ANKS6: variants seen among roughly 807,000 people sequenced by gnomAD.
ANKS6 encodes the protein ankyrin repeat and sterile alpha motif domain containing 6, also known as ankyrin repeat and SAM domain-containing protein 6.
ANKS6 carries 47 observed loss-of-function variants against 77.9 expected under a neutral mutation model. The ratio of observed to expected loss-of-function variants is 0.60; its 90% CI spans 0.48 to 0.77. ANKS6 has a LOEUF of 0.77. ANKS6 is among the 30% of genes least tolerant of loss of function. ANKS6 has a pLI of 0.00. For missense variants in ANKS6, 1,150 were observed against 1,159.1 expected (o/e 0.99, Z 0.11); for synonymous variants, 488 against 501.7 (o/e 0.97, Z 0.37).
At chr9:98,788,759 G>C (rs142805279) in intron 2 of ANKS6, among the ~76,000 whole-genome samples, 56 of 152,280 alleles carry the variant, frequency 3.7e-4, no homozygotes, top group African/African-American at 1.3e-3. Context: ...GCAGGTGGGA[G>C]AATCACCTCT....
At chr9:98,795,100 C>G (rs977666755) in intron 1 of ANKS6, among the ~76,000 whole-genome samples, 1 of 152,110 alleles carries the variant, frequency 6.6e-6, no homozygotes, top group African/African-American at 2.4e-5. Flanking sequence ...TCCTTGCTGT[C>G]TCTCTTAACC....
At chr9:98,795,598 G>A (rs1184245558) in intron 1 of ANKS6, among the ~76,000 whole-genome samples, 2 of 152,174 alleles carry the variant, frequency 1.3e-5, no homozygotes, top group East Asian at 3.9e-4. Context: ...CACTTGTAAT[G>A]TCCTGGCTAA....
intron 5 of ANKS6, among the ~76,000 whole-genome samples, chr9:98,780,552 G>T (rs144381155): frequency 6.6e-6 from 1 of 152,218 alleles, no homozygotes; most frequent in African/African-American, 2.4e-5. Context: ...AGAAAAACCG[G>T]AAGTCCTCTC....
intron 11 of ANKS6, among the ~76,000 whole-genome samples, chr9:98,767,724 G>A (rs770017058): frequency 7.9e-5 from 12 of 152,248 alleles, no homozygotes; most frequent in Non-Finnish European, 1.6e-4. Flanking sequence ...GTGGGGCTGA[G>A]AGCTGAACCC....
intron 1 of ANKS6, among the ~76,000 whole-genome samples, chr9:98,794,863 T>C (rs1350508496): frequency 2.6e-5 from 4 of 152,154 alleles, no homozygotes; most frequent in African/African-American, 9.7e-5. Context: ...CTCCCCTCAC[T>C]GCCCTGGGCC....
At chr9:98,766,112 TC>T (rs1162673275) in intron 11 of ANKS6, among the ~76,000 whole-genome samples, 2 of 152,190 alleles carry the variant, frequency 1.3e-5, no homozygotes, top group Admixed American at 1.3e-4. Flanking sequence ...TTTAGATAGC[TC>T]CTCAAGATCA....
chr9:98,750,309 A>T (rs901718222), intron 13 of ANKS6, among the ~76,000 whole-genome samples: 1 of 152,250 alleles, frequency 6.6e-6, no homozygotes, highest in African/African-American at 2.4e-5. Context: ...TCTTCCACTT[A>T]GCAAGATGTG....
At position 98,734,490 on chromosome 9, in the gene ANKS6, C is replaced by G. The variant is rs1463003593; in HGVS notation, c.*2029G>C. On this transcript the variant is annotated 3_prime_UTR_variant, in exon 15 of 15. Coordinates refer to ENST00000353234, the MANE Select transcript of ANKS6 (RefSeq NM_173551.5). Reference sequence around the variant, plus strand: ...AGGGGCCATGAATTTCAGAGGCAAACAATTCTAGGCCTACTGTTAACCCCT... The same window carrying G: ...AGGGGCCATGAATTTCAGAGGCAAAGAATTCTAGGCCTACTGTTAACCCCT... The G allele has an allele frequency of 1.0e-6, 1 of 985,296 alleles. No homozygotes were observed. The highest frequency in any genetic ancestry group is 1.7e-5 in the African/African-American group (1 of 57,228). The allele number at this position is 985,296 out of a possible 1,614,324, so 61.0% of individuals were successfully genotyped here.
rs34295529 is a variant in ANKS6, at chr9:98,753,620, CA to C, written c.2327-2525del. Among the ~76,000 whole-genome samples the C allele has an allele frequency of 2.1e-3, 308 of 144,556 alleles. 5 individuals are homozygous for C. The highest frequency in any genetic ancestry group is 0.014 in the Admixed American group (210 of 14,582). The allele number at this position is 144,556 out of a possible 152,430, so 94.8% of individuals were successfully genotyped here. A position where few individuals can be genotyped will look rare whatever the true frequency, so the allele number is the denominator to read the frequency against. On this transcript the variant is annotated intron_variant, in intron 12 of 14. Coordinates refer to ENST00000353234, the MANE Select transcript of ANKS6 (RefSeq NM_173551.5). The stretch of plus-strand genomic sequence containing the variant: ...TGGGTGACAGAGTAAGACCCTATCT[CA>C]AAAAAAAAAAAAGCAAGCCCTGATT...
chr9:98,771,720 C>A (rs1833643631), intron 9 of ANKS6, among the ~76,000 whole-genome samples: 1 of 152,088 alleles, frequency 6.6e-6, no homozygotes, highest in South Asian at 2.1e-4. Context: ...TTACCCCACT[C>A]CTCCCACAGC....
rs1835177816 is a variant in ANKS6 at position 98,796,374 on chromosome 9, C to A, written c.118G>T (p.Gly40Cys). ...EPGAAEPAERGAEPEAGAEPA... is the reference protein window; with the variant it reads ...EPGAAEPAERCAEPEAGAEPA... ...TCCGCGCCCGCCTCCGGCTCCGCGC[C>A]GCGCTCGGCTGGCTCCGCCGCCCCC... Residue 40 changes from glycine to cysteine, a missense_variant, in exon 1 of 15, where the codon GGC becomes TGC. Transcript: ENST00000353234. 2.9e-6 allele frequency: 3 copies of A among 1,036,614 alleles called. No homozygotes were observed. The East Asian group carries it at 2.4e-4, about 83-fold the overall frequency. 64.2% of individuals were successfully genotyped at this position (1,036,614 alleles called of 1,614,324 possible). A position where few individuals can be genotyped will look rare whatever the true frequency, so the allele number is the denominator to read the frequency against.
At chr9:98,762,781 T>C (rs1002450674) in intron 11 of ANKS6, among the ~76,000 whole-genome samples, 5 of 152,134 alleles carry the variant, frequency 3.3e-5, no homozygotes, top group Non-Finnish European at 7.4e-5. Flanking sequence ...TTAGATTTGC[T>C]CATATTTTGT....
chr9:98,756,444 T>C lies in ANKS6; in HGVS notation c.2302A>G (p.Ser768Gly), dbSNP rs1175390739. 1 of 1,613,498 alleles carries C rather than the reference T, an allele frequency of 6.2e-7. No homozygotes were observed. The highest frequency in any genetic ancestry group is 1.1e-5 in the South Asian group (1 of 91,068). The change falls in exon 12 of 15, where the codon AGC becomes GGC. Residue 768 changes from serine to glycine, a missense_variant. Ser to Gly is a moderately conservative substitution (Grantham distance 56). Transcript: ENST00000353234. ...HRQSKSSGGS[S>G]SGTITDEDEL... ...CCCTCATCTGTGATGGTGCCACTGCTGGAGCCCCCACTGCTCTTGGACTGC... is the reference window on the plus strand; with the variant it reads ...CCCTCATCTGTGATGGTGCCACTGCCGGAGCCCCCACTGCTCTTGGACTGC...
chr9:98,794,338 T>C (rs1291376766), intron 1 of ANKS6, among the ~76,000 whole-genome samples: 1 of 152,044 alleles, frequency 6.6e-6, no homozygotes, highest in African/African-American at 2.4e-5. Flanking sequence ...TGAGCAGGAT[T>C]CTGGGGGCGT....
At chr9:98,774,827 T>C (rs1564207742) in intron 8 of ANKS6, among the ~76,000 whole-genome samples, 1 of 152,164 alleles carries the variant, frequency 6.6e-6, no homozygotes, top group Non-Finnish European at 1.5e-5. Context: ...TTAAGAAAAA[T>C]AGTGAACTTT....
At chr9:98,749,399 T>C (rs1832310111) in intron 13 of ANKS6, among the ~76,000 whole-genome samples, 1 of 152,196 alleles carries the variant, frequency 6.6e-6, no homozygotes, top group South Asian at 2.1e-4. Context: ...CTGCACAGCC[T>C]GCCTTCCTCT....
At position 98,733,444 on chromosome 9, in the gene ANKS6, C is replaced by A. The variant is rs1831312669; in HGVS notation, c.*3075G>T. The A allele has an allele frequency of 4.1e-6, 4 of 985,420 alleles. No individual in the cohort carries two copies. The highest frequency in any genetic ancestry group is 3.5e-5 in the African/African-American group (2 of 57,348). 61.0% of individuals were successfully genotyped at this position (985,420 alleles called of 1,614,324 possible). On this transcript the variant is annotated 3_prime_UTR_variant, in exon 15 of 15. Coordinates refer to ENST00000353234, the MANE Select transcript of ANKS6 (RefSeq NM_173551.5). Reference sequence around the variant, plus strand: ...GCTGGAGAGCTCTCAGAACAGGGACCCTGCCATCTCAAAGCAGGACCGGTC... The same window carrying A: ...GCTGGAGAGCTCTCAGAACAGGGACACTGCCATCTCAAAGCAGGACCGGTC...
chr9:98,774,112 C>T, intron 8 of ANKS6, 32 bp from the exon 9 acceptor site: 1 of 1,410,868 alleles, frequency 7.1e-7, no homozygotes, highest in Non-Finnish European at 9.3e-7. Context: ...TTAGACAAGC[C>T]CCCAGGAGGG....
intron 8 of ANKS6, among the ~76,000 whole-genome samples, chr9:98,774,485 G>C (rs953617442): frequency 6.6e-6 from 1 of 152,184 alleles, no homozygotes; most frequent in Admixed American, 6.5e-5. Flanking sequence ...GTGAGGACCA[G>C]GAGGTGCATT....
Sources: gnomAD v4.1 joint callset for allele counts (sites outside exome capture counted in the v4.1 genomes callset) on GRCh38, gnomAD v4.1.1 for gene constraint, MANE v1.5 for transcripts, NCBI Gene and HGNC (gene_info 2026-07-23, HGNC 2026-07-21) for gene names.